The following USH2A variants were observed in gnomAD, a reference collection of about 807,000 sequenced individuals.
USH2A encodes Usher syndrome 2A (autosomal recessive, mild).
A neutral mutation model predicts 538.9 loss-of-function variants in USH2A; 443 were observed. The ratio of observed to expected loss-of-function variants is 0.82; its 90% CI spans 0.76 to 0.89. The LOEUF (loss-of-function observed/expected upper bound fraction) is 0.89. USH2A is among the 40% of genes least tolerant of loss of function. The pLI, the probability that USH2A is intolerant of heterozygous loss-of-function variation, is 0.00. For synonymous variants in USH2A, 2,413 were observed against 2,273.5 expected, an observed-to-expected ratio of 1.06 and a Z score of -1.75; for missense variants, 6,633 against 6,324.8, an observed-to-expected ratio of 1.05 and a Z score of -1.65.
In USH2A at chr1:216,344,849, A is replaced by G. The variant is rs188902733; in HGVS notation, c.785-17195T>C. On this transcript the variant is annotated intron_variant, in intron 4 of 71. Transcript: ENST00000307340. Reference sequence around the variant, plus strand: ...TAGGGGGTTTCAGGCCCCTCTCAGTAAAGTCCCTCTCAGCTAATAATGGGT... The same window carrying G: ...TAGGGGGTTTCAGGCCCCTCTCAGTGAAGTCCCTCTCAGCTAATAATGGGT... Among the ~76,000 whole-genome samples the G allele has an allele frequency of 5.6e-4, 85 of 151,218 alleles. No homozygotes were observed. In the East Asian group the frequency reaches 0.012, roughly 22 times the overall value.
At position 216,397,005 on chromosome 1, in the gene USH2A, G is replaced by T. The variant is rs539723770; in HGVS notation, c.651+21509C>A. On this transcript the variant is annotated intron_variant, in intron 3 of 71. Transcript: ENST00000307340. ...TAATGCCAAGTGAAATGCTTTCCTT[G>T]TATCAAATCTATATTCCTGATTGAG... Among the ~76,000 whole-genome samples the T allele has an allele frequency of 2.6e-5, 4 of 152,254 alleles. No individual in the cohort carries two copies. In the South Asian group the frequency reaches 8.3e-4, roughly 32 times the overall value.
chr1:215,974,696 A>G (rs1253369546), intron 35 of USH2A, among the ~76,000 whole-genome samples: 4 of 152,050 alleles, frequency 2.6e-5, no homozygotes, highest in African/African-American at 4.8e-5. Flanking sequence ...GTTGTATAGT[A>G]TTTCGTAGTG....
chr1:215,726,247 A>G (rs1303326810), intron 61 of USH2A, among the ~76,000 whole-genome samples: 2 of 152,210 alleles, frequency 1.3e-5, no homozygotes, highest in Non-Finnish European at 2.9e-5. Context: ...CATATCCACT[A>G]AAAAGTATCT....
At chr1:215,693,907 T>C (rs1011421031) in intron 61 of USH2A, among the ~76,000 whole-genome samples, 5 of 152,196 alleles carry the variant, frequency 3.3e-5, no homozygotes, top group Admixed American at 1.3e-4. Flanking sequence ...CTATACTATA[T>C]CCCACTTTAA....
At chr1:215,743,076 A>G (rs1660351072) in intron 59 of USH2A, 101 bp downstream of exon 59, 9 of 1,414,030 alleles carry the variant, frequency 6.4e-6, no homozygotes, top group Non-Finnish European at 8.8e-6. Flanking sequence ...GTGAAACGTT[A>G]GTCTTTATAT....
intron 58 of USH2A, among the ~76,000 whole-genome samples, chr1:215,758,114 T>C (rs1660865666): frequency 6.6e-6 from 1 of 151,686 alleles, no homozygotes; most frequent in Non-Finnish European, 1.5e-5. Flanking sequence ...AGAAACACTG[T>C]CTCTACTAAA....
chr1:216,010,654 C>A (rs903945778), intron 32 of USH2A, among the ~76,000 whole-genome samples: 1 of 151,800 alleles, frequency 6.6e-6, no homozygotes, highest in African/African-American at 2.4e-5. Context: ...GTATTGACGG[C>A]CAGGCTTCTA....
intron 4 of USH2A, among the ~76,000 whole-genome samples, chr1:216,329,273 T>C (rs2037800530): frequency 6.6e-6 from 1 of 152,160 alleles, no homozygotes; most frequent in Non-Finnish European, 1.5e-5. Context: ...AAAATATTCT[T>C]TCAGTTAATT....
intron 32 of USH2A, among the ~76,000 whole-genome samples, chr1:216,039,522 T>C (rs1163949279): frequency 3.3e-5 from 5 of 152,046 alleles, no homozygotes; most frequent in Non-Finnish European, 5.9e-5. Context: ...CACAGGCGTG[T>C]TAACAGCATT....
At chr1:215,804,200 A>T (rs1262851672) in intron 49 of USH2A, among the ~76,000 whole-genome samples, 7 of 152,052 alleles carry the variant, frequency 4.6e-5, no homozygotes, top group East Asian at 1.9e-4. Context: ...AACCTAGGCA[A>T]TACCATTCAG....
In USH2A at chr1:216,350,360, T is replaced by A. The variant is rs1273913541; in HGVS notation, c.784+14593A>T. Among the ~76,000 whole-genome samples, 6 of 152,222 alleles carry A rather than the reference T, an allele frequency of 3.9e-5. No individual in the cohort carries two copies. In the East Asian group the frequency reaches 1.2e-3, roughly 30 times the overall value. On this transcript the variant is annotated intron_variant, in intron 4 of 71. Transcript: ENST00000307340. Reference sequence around the variant, plus strand: ...CCTTCCCAACAGTCTCCCAAAGTCTTAACTCATTCCAGCATTAACTCCAAA... The same window carrying A: ...CCTTCCCAACAGTCTCCCAAAGTCTAAACTCATTCCAGCATTAACTCCAAA...
intron 32 of USH2A, among the ~76,000 whole-genome samples, chr1:216,024,897 A>G (rs1038741627): frequency 6.6e-6 from 1 of 151,986 alleles, no homozygotes; most frequent in African/African-American, 2.4e-5. Context: ...TGTTTCAGTC[A>G]ATTACAATAT....
chr1:216,255,923 T>A (rs2036250667), intron 11 of USH2A, among the ~76,000 whole-genome samples: 1 of 152,180 alleles, frequency 6.6e-6, no homozygotes, highest in Non-Finnish European at 1.5e-5. Flanking sequence ...TACAGAAATA[T>A]TAAGAATTGT....
chr1:216,337,218 G>A (rs1288834012), intron 4 of USH2A, among the ~76,000 whole-genome samples: 6 of 151,296 alleles, frequency 4.0e-5, no homozygotes, highest in Non-Finnish European at 8.9e-5. Flanking sequence ...TGAGTAGCAG[G>A]CCCTGTTCTG....
At chr1:215,850,413 A>T (rs1193722934) in intron 44 of USH2A, among the ~76,000 whole-genome samples, 1 of 152,148 alleles carries the variant, frequency 6.6e-6, no homozygotes, top group East Asian at 1.9e-4. Flanking sequence ...TCATTGAACT[A>T]CATTTTCTGG....
intron 38 of USH2A, among the ~76,000 whole-genome samples, chr1:215,918,999 CT>C (rs1666030533): frequency 6.6e-6 from 1 of 151,850 alleles, no homozygotes; most frequent in Non-Finnish European, 1.5e-5. Context: ...ATTAATAACG[CT>C]TCTTTTATTT....
At chr1:216,014,108 A>T (rs916235097) in intron 32 of USH2A, among the ~76,000 whole-genome samples, 3 of 152,016 alleles carry the variant, frequency 2.0e-5, no homozygotes, top group African/African-American at 7.2e-5. Context: ...AGAGAAGAGA[A>T]CCTAATTTGA....
At chr1:215,845,598 C>A (rs1261429139) in intron 45 of USH2A, among the ~76,000 whole-genome samples, 2 of 152,128 alleles carry the variant, frequency 1.3e-5, no homozygotes, top group Non-Finnish European at 2.9e-5. Context: ...AGAACAGGAA[C>A]AAACTGGGCT....
chr1:215,669,424 C>T (rs958576196), intron 64 of USH2A, among the ~76,000 whole-genome samples: 2 of 152,134 alleles, frequency 1.3e-5, no homozygotes, highest in African/African-American at 2.4e-5. Context: ...TTATCCTAAA[C>T]CCTTGGGGGC....
Sources: allele counts gnomAD v4.1 joint callset (sites outside exome capture counted in the v4.1 genomes callset), GRCh38; gene constraint gnomAD v4.1.1; transcripts MANE v1.5; gene names NCBI Gene and HGNC (gene_info 2026-07-23, HGNC 2026-07-21).